PCDHA3: variants seen among roughly 807,000 people sequenced by gnomAD.
PCDHA3 encodes protocadherin alpha-3.
Under a neutral mutation model 62.2 loss-of-function variants are expected in PCDHA3, and 41 were observed. The ratio of observed to expected loss-of-function variants is 0.66; its 90% CI spans 0.51 to 0.86. The LOEUF (loss-of-function observed/expected upper bound fraction) is 0.86. Among genes scored for constraint, PCDHA3 ranks in the 40% least tolerant of loss-of-function variants. PCDHA3 has a pLI of 0.00. For synonymous variants in PCDHA3, 640 were observed against 555.4 expected, an observed-to-expected ratio of 1.15 and a Z score of -2.14; for missense variants, 1,304 against 1,241.2, an observed-to-expected ratio of 1.05 and a Z score of -0.76.
chr5:140,897,214 G>A (rs1355389573), intron 1 of PCDHA3, among the ~76,000 whole-genome samples: 1 of 151,764 alleles, frequency 6.6e-6, no homozygotes, highest in Non-Finnish European at 1.5e-5. Flanking sequence ...TTAAGTTTTA[G>A]GGTACATGTG....
intron 3 of PCDHA3, among the ~76,000 whole-genome samples, chr5:141,007,295 A>G (rs181235064): frequency 1.6e-3 from 250 of 151,912 alleles, no homozygotes; most frequent in Non-Finnish European, 2.9e-3. Context: ...TCATGCCTGT[A>G]ATCTTAGCAT....
chr5:140,966,603 G>T, intron 1 of PCDHA3: 1 of 656,454 alleles, frequency 1.5e-6, no homozygotes, highest in East Asian at 3.4e-5. Context: ...AGGAGCCCTT[G>T]GGAGGGCCTA....
intron 1 of PCDHA3, among the ~76,000 whole-genome samples, chr5:140,921,041 G>A (rs902181810): frequency 1.3e-5 from 2 of 151,820 alleles, no homozygotes; most frequent in Non-Finnish European, 2.9e-5. Flanking sequence ...GTGCAGTGGG[G>A]CAATCATAGC....
Position 140,851,010 on chromosome 5 carries a change from T to C in PCDHA3, c.2394+47419T>C, listed in dbSNP as rs200591127. 6.3e-5 allele frequency: 90 copies of C among 1,436,878 alleles called. 3 individuals are homozygous for C. In the African/African-American group the frequency reaches 1.2e-3, roughly 20 times the overall value. The allele number at this position is 1,436,878 out of a possible 1,614,324, so 89.0% of individuals were successfully genotyped here. A position where few individuals can be genotyped will look rare whatever the true frequency, so the allele number is the denominator to read the frequency against. On this transcript the variant is annotated intron_variant, in intron 1 of 3. Transcript: ENST00000522353. ...TTTTCTAGAAATCCAGCAGATTTTT[T>C]TTCTGATAAAGTAAACCCCTTAACA...
chr5:140,951,243 A>G (rs1192486913), intron 1 of PCDHA3, among the ~76,000 whole-genome samples: 3 of 152,172 alleles, frequency 2.0e-5, no homozygotes, highest in Non-Finnish European at 4.4e-5. Context: ...ACCTTTAGGA[A>G]TGCATCACAT....
intron 1 of PCDHA3, chr5:140,829,077 C>A (rs2150162312): frequency 1.2e-6 from 2 of 1,611,602 alleles, no homozygotes; most frequent in East Asian, 4.5e-5. Context: ...GGCCATCCTC[C>A]CATGGCGGGT....
chr5:140,914,207 A>G (rs1485868934), intron 1 of PCDHA3, among the ~76,000 whole-genome samples: 4 of 152,060 alleles, frequency 2.6e-5, no homozygotes, highest in African/African-American at 9.7e-5. Context: ...TGTGATCTCT[A>G]TCTCTCTTTT....
At chr5:140,814,765 G>A (rs1001115968) in intron 1 of PCDHA3, 2 of 151,980 alleles carry the variant, frequency 1.3e-5, no homozygotes, top group Non-Finnish European at 2.9e-5. Context: ...TTGTACATGT[G>A]GTCTGTTATT....
At chr5:140,875,207 C>A in intron 1 of PCDHA3, 3 of 660,292 alleles carry the variant, frequency 4.5e-6, no homozygotes, top group Non-Finnish European at 6.7e-6. Flanking sequence ...AGTGGCTAAA[C>A]CGAAAAGAAC....
At chr5:140,996,947 T>C (rs1224598113) in intron 3 of PCDHA3, among the ~76,000 whole-genome samples, 2 of 152,176 alleles carry the variant, frequency 1.3e-5, no homozygotes, top group Non-Finnish European at 2.9e-5. Context: ...CATAGAAATA[T>C]TTATTTCCCT....
chr5:140,902,572 G>A (rs1249141591), intron 1 of PCDHA3, among the ~76,000 whole-genome samples: 1 of 151,954 alleles, frequency 6.6e-6, no homozygotes, highest in Non-Finnish European at 1.5e-5. Flanking sequence ...GGGTTTTTAA[G>A]ATTTCAATAG....
At chr5:140,807,019 GAGA>G in intron 1 of PCDHA3, 1 of 815,358 alleles carries the variant, frequency 1.2e-6, no homozygotes, top group Non-Finnish European at 1.9e-6. Context: ...AAATACATGA[GAGA>G]AGGAGGAAGA....
In PCDHA3 at chr5:140,901,962, G is replaced by A. The variant is rs148280805; in HGVS notation, c.2395-76987G>A. The stretch of plus-strand genomic sequence containing the variant: ...ATATTTAGTTTTATTCGTGGCTATC[G>A]TAAATGGGATTACTTTTTAATTTCA... On this transcript the variant is annotated intron_variant, in intron 1 of 3. Coordinates refer to ENST00000522353, the MANE Select transcript of PCDHA3 (RefSeq NM_018906.3). Among the ~76,000 whole-genome samples, 1,226 of 152,004 alleles carry A rather than the reference G, an allele frequency of 8.1e-3. 6 individuals carry two copies. The highest frequency in any genetic ancestry group is 0.019 in the African/African-American group (785 of 41,468).
intron 1 of PCDHA3, chr5:140,828,311 C>G (rs2150153881): frequency 6.2e-7 from 1 of 1,614,174 alleles, no homozygotes; most frequent in Non-Finnish European, 8.5e-7. Flanking sequence ...CCGCGAGGAC[C>G]TTCTGGAGGT....
Position 140,877,047 on chromosome 5 carries a change from C to T in PCDHA3, c.2394+73456C>T, listed in dbSNP as rs372059660. The T allele has an allele frequency of 5.6e-6, 9 of 1,612,564 alleles. No homozygotes were observed. The African/African-American group carries it at 1.2e-4, about 22-fold the overall frequency. On this transcript the variant is annotated intron_variant, in intron 1 of 3. Transcript: ENST00000522353. ...TGTACGCGCTGCAGCCGCTAGACCA[C>T]GAGGAGCTGGAGCTGCTGCAGTTCC...
At chr5:140,824,177 T>C in intron 1 of PCDHA3, 1 of 1,609,658 alleles carries the variant, frequency 6.2e-7, no homozygotes, top group East Asian at 2.2e-5. Context: ...TTTTCAAATA[T>C]TAAATGTCAC....
chr5:140,926,919 A>C (rs782148872), intron 1 of PCDHA3: 2 of 1,566,668 alleles, frequency 1.3e-6, no homozygotes, highest in South Asian at 2.4e-5. Flanking sequence ...TGGCAGTTTT[A>C]TGTTTGTGGG....
chr5:140,949,040 A>G (rs1419524123), intron 1 of PCDHA3, among the ~76,000 whole-genome samples: 1 of 151,758 alleles, frequency 6.6e-6, no homozygotes, highest in Non-Finnish European at 1.5e-5. Flanking sequence ...ATTTAAAAGT[A>G]TGTTCTAATT....
intron 1 of PCDHA3, chr5:140,877,927 A>C: frequency 7.1e-7 from 1 of 1,416,192 alleles, no homozygotes; most frequent in South Asian, 1.6e-5. Flanking sequence ...TTTCTTTATG[A>C]TTCTATCCTT....
Sources: gnomAD v4.1 joint callset for allele counts (sites outside exome capture counted in the v4.1 genomes callset) on GRCh38, gnomAD v4.1.1 for gene constraint, MANE v1.5 for transcripts, NCBI Gene and HGNC (gene_info 2026-07-23, HGNC 2026-07-21) for gene names.